Variants in LRRTM4 observed in about 807,000 individuals in gnomAD.
LRRTM4 encodes leucine-rich repeat transmembrane neuronal protein 4.
In LRRTM4, 25 loss-of-function variants were observed where a neutral mutation model predicts 47.6. The ratio of observed to expected loss-of-function variants is 0.53; its 90% CI spans 0.38 to 0.73. The LOEUF (loss-of-function observed/expected upper bound fraction) is 0.73. Ranked by LOEUF, LRRTM4 falls within the 30% of genes least tolerant of loss-of-function variation. The probability of loss-of-function intolerance (pLI) is 0.00; values close to 1 mark genes in which losing one functional copy is unlikely to be tolerated. For missense variants in LRRTM4, 638 were observed against 713.4 expected (o/e 0.89, Z 1.20); for synonymous variants, 311 against 269.5 (o/e 1.15, Z -1.51).
chr2:76,954,267 G>A (rs1028323870), intron 3 of LRRTM4, among the ~76,000 whole-genome samples: 1 of 151,632 alleles, frequency 6.6e-6, no homozygotes, highest in Non-Finnish European at 1.5e-5. Flanking sequence ...ACATAACAAA[G>A]AATTCAAAAT....
At chr2:77,336,557 G>C (rs1319539069) in intron 3 of LRRTM4, among the ~76,000 whole-genome samples, 1 of 152,064 alleles carries the variant, frequency 6.6e-6, no homozygotes, top group Non-Finnish European at 1.5e-5. Flanking sequence ...TGCAAGGATG[G>C]TTCAACATAG....
intron 3 of LRRTM4, among the ~76,000 whole-genome samples, chr2:77,149,006 A>G (rs1672345907): frequency 1.3e-5 from 2 of 152,166 alleles, no homozygotes; most frequent in Admixed American, 6.5e-5. Flanking sequence ...CTGCAGTCCA[A>G]AAACTCCCTA....
At chr2:77,111,599 C>G (rs1338526082) in intron 3 of LRRTM4, among the ~76,000 whole-genome samples, 6 of 152,080 alleles carry the variant, frequency 3.9e-5, no homozygotes, top group Non-Finnish European at 8.8e-5. Context: ...TGTCCTACCC[C>G]ATCCTACTTG....
chr2:77,113,363 C>A (rs1671301402), intron 3 of LRRTM4, among the ~76,000 whole-genome samples: 1 of 152,162 alleles, frequency 6.6e-6, no homozygotes, highest in Non-Finnish European at 1.5e-5. Flanking sequence ...TAGGACCATA[C>A]TGAGTACAAG....
intron 3 of LRRTM4, among the ~76,000 whole-genome samples, chr2:77,296,551 T>C (rs1676979329): frequency 1.3e-5 from 2 of 152,222 alleles, no homozygotes; most frequent in Non-Finnish European, 2.9e-5. Context: ...ACACTCTTTT[T>C]CCTTATAACT....
At chr2:77,104,353 T>A (rs1671036831) in intron 3 of LRRTM4, among the ~76,000 whole-genome samples, 1 of 152,264 alleles carries the variant, frequency 6.6e-6, no homozygotes. Flanking sequence ...CACGTGGTGG[T>A]CAGAGTGACC....
rs969843032 is a variant in LRRTM4, at chr2:77,222,244, A to G, written c.1551+296074T>C. On this transcript the variant is annotated intron_variant, in intron 3 of 3. Transcript: ENST00000409884. ...AAATTTATAGCACCGAATGCCCACA[A>G]GAGAAAGCAGGAAAGATCTAAAATT... Among the ~76,000 whole-genome samples the G allele has an allele frequency of 1.3e-3, 201 of 152,334 alleles. 6 individuals are homozygous for G. The highest frequency in any genetic ancestry group is 1.2e-3 in the Non-Finnish European group (79 of 68,030).
chr2:76,888,147 A>G (rs1558715500), intron 3 of LRRTM4, among the ~76,000 whole-genome samples: 1 of 150,708 alleles, frequency 6.6e-6, no homozygotes, highest in Non-Finnish European at 1.5e-5. Flanking sequence ...TGTATTACCT[A>G]TACATATTTG....
At chr2:76,762,229 A>C (rs1003225544) in intron 3 of LRRTM4, among the ~76,000 whole-genome samples, 7 of 152,182 alleles carry the variant, frequency 4.6e-5, no homozygotes, top group Admixed American at 2.0e-4. Context: ...TTCAGAATGA[A>C]GCTAAATTGA....
At chr2:77,016,262 T>G (rs1678063988) in intron 3 of LRRTM4, among the ~76,000 whole-genome samples, 1 of 151,648 alleles carries the variant, frequency 6.6e-6, no homozygotes, top group Non-Finnish European at 1.5e-5. Context: ...GGCAGGCGCC[T>G]GTAGTCCCAG....
chr2:77,255,501 A>G (rs1212307290), intron 3 of LRRTM4, among the ~76,000 whole-genome samples: 1 of 152,046 alleles, frequency 6.6e-6, no homozygotes, highest in African/African-American at 2.4e-5. Flanking sequence ...ACATGTATCA[A>G]ATAGATTGTA....
chr2:76,867,587 A>T (rs775237472), intron 3 of LRRTM4, among the ~76,000 whole-genome samples: 23 of 152,306 alleles, frequency 1.5e-4, no homozygotes, highest in Admixed American at 3.3e-4. Context: ...TTTCAGTTGA[A>T]GAGATACTTG....
At chr2:77,065,169 T>A (rs1399632293) in intron 3 of LRRTM4, among the ~76,000 whole-genome samples, 1 of 152,194 alleles carries the variant, frequency 6.6e-6, no homozygotes, top group Non-Finnish European at 1.5e-5. Flanking sequence ...CAAGGATTAC[T>A]ATTCCCATTC....
chr2:76,819,222 A>C (rs776855902), intron 3 of LRRTM4, among the ~76,000 whole-genome samples: 7 of 149,352 alleles, frequency 4.7e-5, no homozygotes, highest in Non-Finnish European at 8.9e-5. Context: ...TATGTGCCTT[A>C]TATATATTAT....
chr2:76,986,799 G>A (rs1676814854), intron 3 of LRRTM4, among the ~76,000 whole-genome samples: 1 of 151,930 alleles, frequency 6.6e-6, no homozygotes. Flanking sequence ...GGACTTTGCA[G>A]CTATATAGGC....
Position 77,155,665 on chromosome 2 carries a change from T to C in LRRTM4, c.1551+362653A>G, listed in dbSNP as rs556359902. On this transcript the variant is annotated intron_variant, in intron 3 of 3. Transcript: ENST00000409884. The stretch of plus-strand genomic sequence containing the variant: ...TAGCAGACAGGAATGAAGAAAGATA[T>C]CAAAGAGAGCACCAAAGTGGAACCT... Among the ~76,000 whole-genome samples the C allele has an allele frequency of 2.0e-5, 3 of 151,970 alleles. No homozygotes were observed. The South Asian group carries it at 6.2e-4, about 32-fold the overall frequency.
intron 3 of LRRTM4, among the ~76,000 whole-genome samples, chr2:77,117,196 G>C (rs868193972): frequency 2.5e-4 from 38 of 151,910 alleles, no homozygotes; most frequent in African/African-American, 7.5e-4. Context: ...TTAGTTGATG[G>C]ACATTAGATT....
intron 3 of LRRTM4, among the ~76,000 whole-genome samples, chr2:77,352,809 G>A (rs1671834134): frequency 1.3e-5 from 2 of 151,736 alleles, no homozygotes; most frequent in South Asian, 2.1e-4. Flanking sequence ...AGTGAAAGAA[G>A]ACTAATAGAG....
intron 3 of LRRTM4, among the ~76,000 whole-genome samples, chr2:76,815,751 CAT>C (rs1558672856): frequency 2.0e-5 from 3 of 151,808 alleles, no homozygotes; most frequent in African/African-American, 4.8e-5. Context: ...TTGCAGGTAA[CAT>C]AAAGTAAATA....
Sources: allele counts gnomAD v4.1 joint callset (sites outside exome capture counted in the v4.1 genomes callset), GRCh38; gene constraint gnomAD v4.1.1; transcripts MANE v1.5; gene names NCBI Gene and HGNC (gene_info 2026-07-23, HGNC 2026-07-21).